The following UVRAG variants were observed in gnomAD, a reference collection of about 807,000 sequenced individuals.
UVRAG encodes the protein UV radiation resistance associated.
In UVRAG, 19 loss-of-function variants were observed where a neutral mutation model predicts 78.0. The observed-to-expected ratio is 0.24, with a 90% confidence interval of 0.17 to 0.36. The LOEUF is 0.36. Among genes scored for constraint, UVRAG ranks in the 10% least tolerant of loss-of-function variants. UVRAG has a pLI of 1.00. For missense variants in UVRAG, 740 were observed against 853.8 expected (o/e 0.87, Z 1.66); for synonymous variants, 323 against 324.6 (o/e 1.00, Z 0.05).
intron 13 of UVRAG, among the ~76,000 whole-genome samples, chr11:76,090,334 C>T (rs534141457): frequency 2.6e-5 from 4 of 152,162 alleles, no homozygotes; most frequent in East Asian, 1.9e-4. Context: ...TAGCCTACTA[C>T]GCCTGCTTGT....
chr11:76,101,178 TCAC>T (rs2134444143), intron 13 of UVRAG, among the ~76,000 whole-genome samples: 1 of 152,184 alleles, frequency 6.6e-6, no homozygotes, highest in African/African-American at 2.4e-5. Context: ...CTTTGAGAAA[TCAC>T]CACAATGGTT....
intron 8 of UVRAG, among the ~76,000 whole-genome samples, chr11:75,998,580 A>G (rs1167521347): frequency 6.6e-6 from 1 of 152,232 alleles, no homozygotes; most frequent in Non-Finnish European, 1.5e-5. Context: ...TAGGATCTCA[A>G]GGCAACGAAG....
intron 6 of UVRAG, among the ~76,000 whole-genome samples, chr11:75,941,519 GAAATCCC>G (rs1302917321): frequency 3.9e-5 from 6 of 152,082 alleles, no homozygotes; most frequent in Admixed American, 1.3e-4. Context: ...TTGAGCGTCT[GAAATCCC>G]AAATGCTCCA....
rs1952737730 is a variant in UVRAG at position 76,142,301 on chromosome 11, C to T, written c.*888C>T. ...GCAATGCACTCACCAGACAAAAATC[C>T]CTTGATGTAAATCCCATGTTAATTT... On this transcript the variant is annotated 3_prime_UTR_variant, in exon 15 of 15. Transcript: ENST00000356136. 6.6e-6 allele frequency: 1 copy of T among 152,130 alleles called. No homozygotes were observed. The highest frequency in any genetic ancestry group is 6.6e-5 in the Admixed American group (1 of 15,264). 9.4% of individuals were successfully genotyped at this position (152,130 alleles called of 1,614,324 possible).
intron 4 of UVRAG, among the ~76,000 whole-genome samples, chr11:75,885,179 C>T (rs1947048909): frequency 6.6e-6 from 1 of 151,896 alleles, no homozygotes; most frequent in African/African-American, 2.4e-5. Flanking sequence ...TATCTCTGTA[C>T]TGAGCTTGTA....
chr11:76,144,119 T>G lies in UVRAG; in HGVS notation c.*2706T>G, dbSNP rs139102740. On this transcript the variant is annotated 3_prime_UTR_variant, in exon 15 of 15. Coordinates refer to ENST00000356136, the MANE Select transcript of UVRAG (RefSeq NM_003369.4). Reference sequence around the variant, plus strand: ...CCATTTATCCTGACCTAACCAGTTATTTAAATAATTTTTTAAACCACCACG... The same window carrying G: ...CCATTTATCCTGACCTAACCAGTTAGTTAAATAATTTTTTAAACCACCACG... Among the ~76,000 whole-genome samples the G allele has an allele frequency of 1.3e-5, 2 of 152,254 alleles. No individual in the cohort carries two copies. Among genetic ancestry groups the G allele is most frequent in the Non-Finnish European group, 2.9e-5 (2 of 68,052 alleles).
intron 13 of UVRAG, among the ~76,000 whole-genome samples, chr11:76,112,682 A>G (rs190198723): frequency 6.6e-6 from 1 of 152,120 alleles, no homozygotes; most frequent in East Asian, 1.9e-4. Flanking sequence ...GTGTTTAGTT[A>G]GATTGAGAAG....
chr11:75,910,643 A>G (rs1165101919), intron 5 of UVRAG, among the ~76,000 whole-genome samples: 1 of 151,632 alleles, frequency 6.6e-6, no homozygotes, highest in Non-Finnish European at 1.5e-5. Flanking sequence ...GACAGAGCCA[A>G]TTTATCAAGA....
At chr11:75,917,432 T>A (rs987367008) in intron 6 of UVRAG, among the ~76,000 whole-genome samples, 2 of 152,254 alleles carry the variant, frequency 1.3e-5, no homozygotes, top group South Asian at 4.1e-4. Flanking sequence ...CTTGGTTAAT[T>A]GTTGGAGTTC....
At chr11:75,953,025 T>G (rs144588492) in intron 6 of UVRAG, among the ~76,000 whole-genome samples, 2 of 152,324 alleles carry the variant, frequency 1.3e-5, no homozygotes, top group Non-Finnish European at 2.9e-5. Context: ...TAAGTTGAAT[T>G]TATTGGCATA....
At chr11:76,076,006 TTTGGGATGTTTCCATTTC>T (rs1951398087) in intron 13 of UVRAG, among the ~76,000 whole-genome samples, 1 of 152,238 alleles carries the variant, frequency 6.6e-6, no homozygotes, top group Non-Finnish European at 1.5e-5. Flanking sequence ...TTGATAGACT[TTTGGGATGTTTCCATTTC>T]TTGGCTGTTA....
chr11:75,871,579 C>T (rs1019054045), intron 3 of UVRAG, among the ~76,000 whole-genome samples: 27 of 152,262 alleles, frequency 1.8e-4, no homozygotes, highest in Admixed American at 2.0e-4. Flanking sequence ...CCACCGCGCC[C>T]GGACTGCATC....
At chr11:75,902,496 A>T (rs562329465) in intron 5 of UVRAG, among the ~76,000 whole-genome samples, 1 of 152,258 alleles carries the variant, frequency 6.6e-6, no homozygotes, top group East Asian at 1.9e-4. Flanking sequence ...TGTTACTCAA[A>T]ATTGTAATTC....
chr11:76,075,583 G>A (rs141544922), intron 13 of UVRAG, among the ~76,000 whole-genome samples: 2,313 of 151,532 alleles, frequency 0.015, 58 homozygotes, highest in African/African-American at 0.053. Flanking sequence ...CTGCACTCCA[G>A]CCTAGGCAAT....
At chr11:75,981,923 T>C (rs879095261) in intron 7 of UVRAG, among the ~76,000 whole-genome samples, 1 of 152,142 alleles carries the variant, frequency 6.6e-6, no homozygotes, top group Non-Finnish European at 1.5e-5. Flanking sequence ...GTTTTTTTTT[T>C]CCTACTTTTT....
intron 6 of UVRAG, among the ~76,000 whole-genome samples, chr11:75,951,003 CAT>C (rs1491055394): frequency 2.1e-4 from 31 of 149,108 alleles, no homozygotes; most frequent in Middle Eastern, 3.4e-3. Flanking sequence ...CACACACACA[CAT>C]ATCCCAAGTG....
At chr11:75,947,508 C>T (rs907142867) in intron 6 of UVRAG, among the ~76,000 whole-genome samples, 4 of 152,100 alleles carry the variant, frequency 2.6e-5, no homozygotes, top group Admixed American at 2.6e-4. Context: ...GAGAAAAGCA[C>T]ACAGCAACCT....
chr11:75,985,878 G>A (rs896534476), intron 8 of UVRAG, among the ~76,000 whole-genome samples: 1 of 151,824 alleles, frequency 6.6e-6, no homozygotes, highest in Admixed American at 6.6e-5. Context: ...CTGTTCTATT[G>A]ATCTATTTTT....
At chr11:75,922,432 T>A (rs1341854449) in intron 6 of UVRAG, among the ~76,000 whole-genome samples, 1 of 152,166 alleles carries the variant, frequency 6.6e-6, no homozygotes, top group Admixed American at 6.5e-5. Context: ...TATTGTTTTT[T>A]TAAGGAAAGC....
Sources: allele counts gnomAD v4.1 joint callset (sites outside exome capture counted in the v4.1 genomes callset), GRCh38; gene constraint gnomAD v4.1.1; transcripts MANE v1.5; gene names NCBI Gene and HGNC (gene_info 2026-07-23, HGNC 2026-07-21).